Variants in FAM227B observed in about 807,000 individuals in gnomAD.
FAM227B encodes the protein family with sequence similarity 227 member B.
FAM227B carries 88 observed loss-of-function variants against 73.8 expected under a neutral mutation model. The observed-to-expected ratio is 1.19, with a 90% confidence interval of 1.00 to 1.42. FAM227B has a LOEUF of 1.42. Ranked by LOEUF, FAM227B falls within the 40% of genes most tolerant of loss-of-function variation. The probability of loss-of-function intolerance (pLI) is 0.00; values close to 1 mark genes in which losing one functional copy is unlikely to be tolerated. For synonymous variants in FAM227B, 210 were observed against 190.5 expected, an observed-to-expected ratio of 1.10 and a Z score of -0.84; for missense variants, 632 against 590.9, an observed-to-expected ratio of 1.07 and a Z score of -0.72.
In FAM227B at chr15:49,328,557, T is replaced by C; in HGVS notation, c.*11A>G. 6.2e-7 allele frequency: 1 copy of C among 1,606,212 alleles called. No homozygotes were observed. On this transcript the variant is annotated 3_prime_UTR_variant, in exon 16 of 16. Transcript: ENST00000299338. Reference sequence around the variant, plus strand: ...GCATTATTCTTGAATAGAGTTCATTTCTGGTTTCTCTTAGTATTCTTCTTC... The same window carrying C: ...GCATTATTCTTGAATAGAGTTCATTCCTGGTTTCTCTTAGTATTCTTCTTC...
At chr15:49,422,080 T>G (rs1191040275) in intron 11 of FAM227B, among the ~76,000 whole-genome samples, 4 of 150,392 alleles carry the variant, frequency 2.7e-5, no homozygotes, top group African/African-American at 9.8e-5. Context: ...TCCTATTTGG[T>G]CTACATGCAC....
At chr15:49,392,589 G>A (rs540867589) in intron 11 of FAM227B, among the ~76,000 whole-genome samples, 1 of 152,154 alleles carries the variant, frequency 6.6e-6, no homozygotes, top group Non-Finnish European at 1.5e-5. Flanking sequence ...CTTTAAGAAC[G>A]TGAAGAAGAC....
At chr15:49,549,367 C>T (rs564508701) in intron 9 of FAM227B, among the ~76,000 whole-genome samples, 33 of 137,604 alleles carry the variant, frequency 2.4e-4, no homozygotes, top group Non-Finnish European at 4.2e-4. Context: ...GGGTGTTTCT[C>T]GCAGAGGGGG....
intron 4 of FAM227B, among the ~76,000 whole-genome samples, chr15:49,588,547 CT>C (rs2076315612): frequency 2.6e-5 from 1 of 38,054 alleles, no homozygotes; most frequent in Non-Finnish European, 5.2e-5. Context: ...ATATTGAGGA[CT>C]ATATATATAT....
chr15:49,568,475 G>A (rs1177140738), intron 8 of FAM227B, 129 bp from the exon 9 acceptor site: 8 of 712,972 alleles, frequency 1.1e-5, no homozygotes, highest in Non-Finnish European at 1.8e-5. Context: ...ATGGGTTTTC[G>A]CATAATGCAG....
intron 11 of FAM227B, among the ~76,000 whole-genome samples, chr15:49,495,323 A>T (rs1874614): frequency 0.89 from 134,874 of 152,172 alleles, 61,142 homozygotes; most frequent in Non-Finnish European, 0.98. Flanking sequence ...TTCTCCAAAT[A>T]ATGATGAAAT....
chr15:49,572,482 TTTTGA>T (rs1406464303), intron 8 of FAM227B, among the ~76,000 whole-genome samples: 6 of 152,118 alleles, frequency 3.9e-5, no homozygotes, highest in African/African-American at 1.4e-4. Flanking sequence ...CTGATTTCCT[TTTTGA>T]TTTGTTCTTT....
In FAM227B at chr15:49,541,804, T is replaced by A. The variant is rs775060315; in HGVS notation, c.750A>T (p.Ile250=). 7.1e-7 allele frequency: 1 copy of A among 1,418,310 alleles called. No individual in the cohort carries two copies. Among genetic ancestry groups the A allele is most frequent in the Non-Finnish European group, 9.2e-7 (1 of 1,083,030 alleles). The allele number at this position is 1,418,310 out of a possible 1,614,324, so 87.9% of individuals were successfully genotyped here. ...PLSRKDAFFQ[I]YPDCLAQAIY... Reference sequence around the variant, plus strand: ...TGGCTTGTGCCAAACAATCAGGATATATCTACCAAAATAAAATCAAATTAG... The same window carrying A: ...TGGCTTGTGCCAAACAATCAGGATAAATCTACCAAAATAAAATCAAATTAG... The change falls in exon 10 of 16, where the codon ATA becomes ATT. Residue 250 remains isoleucine, a splice_region_variant and synonymous_variant. Transcript: ENST00000299338.
chr15:49,575,060 A>T lies in FAM227B; in HGVS notation c.596T>A (p.Ile199Asn). Residue 199 changes from isoleucine (I) to asparagine (N), a missense_variant, in exon 8 of 16, where the codon ATT (isoleucine) becomes AAT (asparagine). Transcript: ENST00000299338. ...WKTHFLSEAS[I>N]ALLHDSFWWW... The stretch of plus-strand genomic sequence containing the variant: ...CCAAAAGGAGTCATGCAAAAGAGCA[A>T]TGGAGGCTTCTGAGAGAAAATGAGT... 1 of 1,602,966 alleles carries T rather than the reference A, an allele frequency of 6.2e-7. No individual in the cohort carries two copies. Among genetic ancestry groups the T allele is most frequent in the Non-Finnish European group, 8.5e-7 (1 of 1,174,036 alleles).
intron 13 of FAM227B, among the ~76,000 whole-genome samples, chr15:49,338,598 T>C (rs1037520832): frequency 2.6e-5 from 4 of 152,190 alleles, no homozygotes; most frequent in African/African-American, 7.2e-5. Context: ...CTGACAATTA[T>C]GTGTCTTGGG....
chr15:49,501,886 C>T (rs1157578439), intron 11 of FAM227B, among the ~76,000 whole-genome samples: 2 of 152,218 alleles, frequency 1.3e-5, no homozygotes, highest in Non-Finnish European at 2.9e-5. Context: ...AGTCTTGGGC[C>T]ACTGCTCTGT....
intron 11 of FAM227B, among the ~76,000 whole-genome samples, chr15:49,444,210 C>T (rs1225589906): frequency 1.3e-5 from 2 of 151,594 alleles, no homozygotes; most frequent in African/African-American, 2.4e-5. Context: ...CATTCTCCCT[C>T]ATAAGGATTT....
intron 11 of FAM227B, among the ~76,000 whole-genome samples, chr15:49,380,787 TG>T (rs1165034786): frequency 6.6e-6 from 1 of 152,144 alleles, no homozygotes; most frequent in African/African-American, 2.4e-5. Context: ...GAATTGGATT[TG>T]ATTTGATTTA....
chr15:49,342,349 C>G (rs900989051), intron 13 of FAM227B, among the ~76,000 whole-genome samples: 1 of 152,004 alleles, frequency 6.6e-6, no homozygotes, highest in Non-Finnish European at 1.5e-5. Flanking sequence ...AATAGTGACT[C>G]CTGCTCTTTT....
chr15:49,493,739 C>T (rs1044906526), intron 11 of FAM227B, among the ~76,000 whole-genome samples: 5 of 151,838 alleles, frequency 3.3e-5, no homozygotes, highest in African/African-American at 7.2e-5. Flanking sequence ...CTAGGCATAC[C>T]TGTGTGTCTA....
chr15:49,479,616 T>TG (rs2055725245), intron 11 of FAM227B, among the ~76,000 whole-genome samples: 1 of 138,276 alleles, frequency 7.2e-6, no homozygotes, highest in African/African-American at 2.7e-5. Flanking sequence ...TTTTTTTTTT[T>TG]TTTTTTTTTT....
At chr15:49,391,570 T>G (rs1323395443) in intron 11 of FAM227B, among the ~76,000 whole-genome samples, 9 of 152,120 alleles carry the variant, frequency 5.9e-5, no homozygotes, top group Non-Finnish European at 1.3e-4. Context: ...TTGTTCTAAA[T>G]TTTTTCCTGA....
At chr15:49,476,710 G>A (rs943270284) in intron 11 of FAM227B, among the ~76,000 whole-genome samples, 10 of 152,142 alleles carry the variant, frequency 6.6e-5, no homozygotes, top group African/African-American at 2.4e-4. Context: ...AAAGTCAGCT[G>A]CATTTAAAAA....
At chr15:49,566,103 A>G (rs74014345) in intron 9 of FAM227B, among the ~76,000 whole-genome samples, 1 of 152,218 alleles carries the variant, frequency 6.6e-6, no homozygotes, top group African/African-American at 2.4e-5. Flanking sequence ...TTTTTACAAC[A>G]GTAGTAGGAG....
Sources: gnomAD v4.1 joint callset for allele counts (sites outside exome capture counted in the v4.1 genomes callset) on GRCh38, gnomAD v4.1.1 for gene constraint, MANE v1.5 for transcripts, NCBI Gene and HGNC (gene_info 2026-07-23, HGNC 2026-07-21) for gene names.